The following DPEP1 variants were observed in gnomAD, a reference collection of about 807,000 sequenced individuals.
DPEP1 encodes dipeptidase 1.
Under a neutral mutation model 42.3 loss-of-function variants are expected in DPEP1, and 50 were observed. The ratio of observed to expected loss-of-function variants is 1.18; its 90% CI spans 0.94 to 1.50. DPEP1 has a LOEUF of 1.50. Ranked by LOEUF, DPEP1 falls within the 40% of genes most tolerant of loss-of-function variation. The pLI, the probability that DPEP1 is intolerant of heterozygous loss-of-function variation, is 0.00. For synonymous variants in DPEP1, 297 were observed against 234.0 expected, an observed-to-expected ratio of 1.27 and a Z score of -2.46; for missense variants, 663 against 553.0, an observed-to-expected ratio of 1.20 and a Z score of -1.99.
chr16:89,614,594 A>G (rs892539072), intron 1 of DPEP1, among the ~76,000 whole-genome samples: 1 of 152,192 alleles, frequency 6.6e-6, no homozygotes, highest in Non-Finnish European at 1.5e-5. Context: ...GGAGATCGAG[A>G]CCATCCTGGC....
intron 1 of DPEP1, chr16:89,616,793 G>GCT: frequency 3.6e-6 from 1 of 274,598 alleles, no homozygotes; most frequent in Admixed American, 5.2e-5. Context: ...GCAGGAAGTG[G>GCT]GCAGGAAGCA....
At chr16:89,633,453 G>T (rs1429250920) in intron 2 of DPEP1, among the ~76,000 whole-genome samples, 1 of 152,268 alleles carries the variant, frequency 6.6e-6, no homozygotes, top group Non-Finnish European at 1.5e-5. Flanking sequence ...CCCAGGAAGG[G>T]CAGAGCCCTC....
chr16:89,628,255 TC>T (rs200450454), intron 1 of DPEP1, among the ~76,000 whole-genome samples: 48,011 of 124,218 alleles, frequency 0.39, 9,283 homozygotes, highest in Middle Eastern at 0.59. Flanking sequence ...TTCTTTTCTT[TC>T]TTTTTTTTTT....
intron 1 of DPEP1, among the ~76,000 whole-genome samples, chr16:89,616,467 G>A (rs549459801): frequency 4.6e-5 from 7 of 152,228 alleles, no homozygotes; most frequent in Admixed American, 1.3e-4. Flanking sequence ...GGAGGGGGTC[G>A]CCAGGAGGCA....
At chr16:89,640,288 C>A (rs1027108420), downstream of DPEP1, among the ~76,000 whole-genome samples, 1 of 152,200 alleles carries the variant, frequency 6.6e-6, no homozygotes, top group Non-Finnish European at 1.5e-5. Context: ...CCTCAGCTTC[C>A]GTTAGGAAGT....
chr16:89,637,756 C>T (rs201487605), intron 9 of DPEP1, 49 bp downstream of exon 9: 2 of 1,612,654 alleles, frequency 1.2e-6, no homozygotes, highest in Non-Finnish European at 1.7e-6. Context: ...AGGTTCATGG[C>T]CTCGTCAGAG....
intron 1 of DPEP1, among the ~76,000 whole-genome samples, chr16:89,630,004 G>C (rs2059563547): frequency 6.6e-6 from 1 of 152,192 alleles, no homozygotes; most frequent in South Asian, 2.1e-4. Flanking sequence ...CCTGAGGGAG[G>C]TGGTAGTAAT....
chr16:89,625,485 C>T (rs1356021211), intron 1 of DPEP1, among the ~76,000 whole-genome samples: 3 of 152,206 alleles, frequency 2.0e-5, no homozygotes, highest in African/African-American at 2.4e-5. Context: ...TCTGGACAAA[C>T]ATTCAAACTC....
Position 89,617,656 on chromosome 16 carries a change from C to T in DPEP1, c.-107+3937C>T, listed in dbSNP as rs28636604. Among the ~76,000 whole-genome samples, 170 of 22,836 alleles carry T rather than the reference C, an allele frequency of 7.4e-3. 1 individual carries two copies. The highest frequency in any genetic ancestry group is 0.034 in the East Asian group (5 of 148). 15.0% of individuals were successfully genotyped at this position (22,836 alleles called of 152,430 possible). ...CCTGTAATCCCAGCACTTTGGGAGGCCGGGCGCGGCGGCTCACACCTGTAA... is the reference window on the plus strand; with the variant it reads ...CCTGTAATCCCAGCACTTTGGGAGGTCGGGCGCGGCGGCTCACACCTGTAA... On this transcript the variant is annotated intron_variant, in intron 1 of 10. Coordinates refer to ENST00000690203, the MANE Select transcript of DPEP1 (RefSeq NM_001389466.1).
chr16:89,626,684 TC>T (rs1056401848), intron 1 of DPEP1, among the ~76,000 whole-genome samples: 11 of 150,670 alleles, frequency 7.3e-5, no homozygotes, highest in East Asian at 2.0e-4. Flanking sequence ...TGTTTGGCAG[TC>T]CCCCCCTCAA....
chr16:89,637,067 C>A (rs981130741), intron 6 of DPEP1, 132 bp downstream of exon 6: 2 of 1,525,678 alleles, frequency 1.3e-6, no homozygotes, highest in African/African-American at 1.4e-5. Flanking sequence ...AGCCATCCCC[C>A]CAGGGTGGGT....
intron 1 of DPEP1, among the ~76,000 whole-genome samples, chr16:89,626,017 G>A (rs1019611344): frequency 6.6e-6 from 1 of 152,158 alleles, no homozygotes; most frequent in Non-Finnish European, 1.5e-5. Context: ...CAGTCCACGC[G>A]TGGCTTTCGG....
intron 1 of DPEP1, among the ~76,000 whole-genome samples, chr16:89,630,015 A>G (rs2059563638): frequency 6.6e-6 from 1 of 152,166 alleles, no homozygotes; most frequent in Admixed American, 6.5e-5. Flanking sequence ...TGGTAGTAAT[A>G]ACAGTAGCAC....
chr16:89,616,871 GC>G (rs955384254), intron 1 of DPEP1: 5 of 238,950 alleles, frequency 2.1e-5, no homozygotes, highest in African/African-American at 1.2e-4. Flanking sequence ...CAGGAAGTGG[GC>G]AGGAAGCGGC....
At chr16:89,634,632 T>A in intron 2 of DPEP1, among the ~76,000 whole-genome samples, 1 of 92,292 alleles carries the variant, frequency 1.1e-5, no homozygotes, top group African/African-American at 4.3e-5. Flanking sequence ...TCCTTTCCCT[T>A]CCTTCCCTTT....
At chr16:89,622,830 C>T (rs1346778786) in intron 1 of DPEP1, among the ~76,000 whole-genome samples, 1 of 150,820 alleles carries the variant, frequency 6.6e-6, no homozygotes, top group African/African-American at 2.4e-5. Context: ...GTCTCCGCTG[C>T]AGGCAAAGAT....
At chr16:89,624,505 GA>G (rs1290215170) in intron 1 of DPEP1, among the ~76,000 whole-genome samples, 9 of 151,734 alleles carry the variant, frequency 5.9e-5, no homozygotes, top group Non-Finnish European at 1.2e-4. Context: ...AGTGGGGTGA[GA>G]GGGGCGCTGT....
chr16:89,640,585 C>G, downstream of DPEP1: 4 of 982,154 alleles, frequency 4.1e-6, no homozygotes, highest in Non-Finnish European at 4.8e-6. Context: ...CTGTCTGTTC[C>G]CCTCCCAGCC....
chr16:89,622,641 G>A (rs561686956), intron 1 of DPEP1, among the ~76,000 whole-genome samples: 2 of 151,972 alleles, frequency 1.3e-5, no homozygotes, highest in Non-Finnish European at 2.9e-5. Context: ...AAAATTAGTC[G>A]GGCGTGGTGG....
Sources: allele counts gnomAD v4.1 joint callset (sites outside exome capture counted in the v4.1 genomes callset), GRCh38; gene constraint gnomAD v4.1.1; transcripts MANE v1.5; gene names NCBI Gene and HGNC (gene_info 2026-07-23, HGNC 2026-07-21).